The following RUFY4 variants were observed in gnomAD, a reference collection of about 807,000 sequenced individuals.
The protein encoded by RUFY4 is RUN and FYVE domain containing 4.
In RUFY4, 73 loss-of-function variants were observed where a neutral mutation model predicts 69.0. The ratio of observed to expected loss-of-function variants is 1.06; its 90% CI spans 0.88 to 1.29. The LOEUF is 1.29. RUFY4 is among the 50% of genes most tolerant of loss of function. The pLI is 0.00. For synonymous variants in RUFY4, 287 were observed against 271.8 expected (o/e 1.06, Z -0.55); for missense variants, 770 against 705.6 (o/e 1.09, Z -1.03).
At chr2:218,086,592 G>T (rs1261781415) in intron 9 of RUFY4, among the ~76,000 whole-genome samples, 1 of 152,178 alleles carries the variant, frequency 6.6e-6, no homozygotes, top group African/African-American at 2.4e-5. Flanking sequence ...AAGTGGGGGA[G>T]GTGGTGGAGT....
chr2:218,040,551 T>C (rs1004107684), intron 2 of RUFY4, among the ~76,000 whole-genome samples: 1 of 152,160 alleles, frequency 6.6e-6, no homozygotes, highest in African/African-American at 2.4e-5. Context: ...CTGGTTGCCC[T>C]CCTCCTGCCT....
intron 6 of RUFY4, among the ~76,000 whole-genome samples, chr2:218,074,341 C>T (rs961903790): frequency 6.6e-6 from 1 of 152,146 alleles, no homozygotes; most frequent in African/African-American, 2.4e-5. Context: ...AGTTACTTGT[C>T]CTGCCCCATA....
chr2:218,078,056 C>G (rs1559435748), intron 8 of RUFY4, among the ~76,000 whole-genome samples: 1 of 152,198 alleles, frequency 6.6e-6, no homozygotes, highest in Non-Finnish European at 1.5e-5. Flanking sequence ...TGCACCCACT[C>G]TGAGCCAGGC....
intron 9 of RUFY4, among the ~76,000 whole-genome samples, chr2:218,087,851 T>A (rs987611838): frequency 6.6e-6 from 1 of 151,814 alleles, no homozygotes; most frequent in Non-Finnish European, 1.5e-5. Flanking sequence ...AAAATTACAA[T>A]GGTAGCCAAT....
chr2:218,083,487 C>T (rs771465609), intron 9 of RUFY4, among the ~76,000 whole-genome samples: 1 of 152,152 alleles, frequency 6.6e-6, no homozygotes, highest in Non-Finnish European at 1.5e-5. Context: ...CAGTGGTTCA[C>T]ACCTGTAATC....
chr2:218,088,226 G>T (rs1689938449), intron 9 of RUFY4, among the ~76,000 whole-genome samples: 1 of 152,086 alleles, frequency 6.6e-6, no homozygotes, highest in Non-Finnish European at 1.5e-5. Context: ...GGGAATGGTG[G>T]TTCATGCCTG....
chr2:218,064,849 C>T (rs1689286579), upstream of RUFY4, among the ~76,000 whole-genome samples: 1 of 152,108 alleles, frequency 6.6e-6, no homozygotes, highest in South Asian at 2.1e-4. Flanking sequence ...AGTTCCTCCC[C>T]ACCCAGCACC....
upstream of RUFY4, chr2:218,070,380 G>C: frequency 1.7e-6 from 1 of 602,760 alleles, no homozygotes; most frequent in Admixed American, 2.6e-5. Flanking sequence ...CCCAGGGACT[G>C]CTCAATCGGT....
chr2:218,084,387 A>G (rs948222515), intron 9 of RUFY4, among the ~76,000 whole-genome samples: 1 of 152,052 alleles, frequency 6.6e-6, no homozygotes, highest in Non-Finnish European at 1.5e-5. Flanking sequence ...GTATGCCACC[A>G]TGCCAGGCTA....
rs186314785 is a variant in RUFY4 at position 218,061,219 on chromosome 2, A to T, written c.-1071+2538A>T. 61 of 381,378 alleles carry T rather than the reference A, an allele frequency of 1.6e-4. No individual in the cohort carries two copies. The East Asian group carries it at 3.5e-3, about 22-fold the overall frequency. The allele number at this position is 381,378 out of a possible 1,614,324, so 23.6% of individuals were successfully genotyped here. On this transcript the variant is annotated intron_variant and NMD_transcript_variant, in intron 3 of 13. Coordinates refer to the RUFY4 transcript ENST00000457754. ...AATAAGATGACCAGCATCGGCAGGGAGTTTCACATCACGTTCAGTAGAAAC... is the reference window on the plus strand; with the variant it reads ...AATAAGATGACCAGCATCGGCAGGGTGTTTCACATCACGTTCAGTAGAAAC...
chr2:218,059,923 C>T lies in RUFY4; in HGVS notation c.-1071+1242C>T, dbSNP rs538175117. The T allele has an allele frequency of 2.3e-5, 4 of 171,028 alleles. No individual in the cohort carries two copies. In the East Asian group the frequency reaches 7.6e-4, roughly 33 times the overall value. The allele number at this position is 171,028 out of a possible 1,614,324, so 10.6% of individuals were successfully genotyped here. A position where few individuals can be genotyped will look rare whatever the true frequency, so the allele number is the denominator to read the frequency against. On this transcript the variant is annotated intron_variant and NMD_transcript_variant, in intron 3 of 13. Transcript: ENST00000457754. Reference sequence around the variant, plus strand: ...ATACTGTCTTCCGCAGTGGCCACAACATTTTACATTCCCGCTCACGATGCC... The same window carrying T: ...ATACTGTCTTCCGCAGTGGCCACAATATTTTACATTCCCGCTCACGATGCC...
intron 2 of RUFY4, among the ~76,000 whole-genome samples, chr2:218,056,986 G>A (rs1447288724): frequency 6.6e-6 from 1 of 152,112 alleles, no homozygotes; most frequent in Non-Finnish European, 1.5e-5. Flanking sequence ...GGCTGAGGCA[G>A]GCGAATCTCT....
intron 2 of RUFY4, among the ~76,000 whole-genome samples, chr2:218,057,747 G>A (rs1351651545): frequency 6.6e-6 from 1 of 152,172 alleles, no homozygotes; most frequent in Non-Finnish European, 1.5e-5. Flanking sequence ...CTGCAGATTT[G>A]CCTTTTCAGG....
chr2:218,074,084 G>A (rs1016108067), intron 6 of RUFY4, 199 bp downstream of exon 8: 15 of 622,938 alleles, frequency 2.4e-5, no homozygotes, highest in South Asian at 8.0e-5. Context: ...CTGGGGTGGC[G>A]GGGACACTGG....
At chr2:218,051,300 T>C (rs1449861860) in intron 2 of RUFY4, among the ~76,000 whole-genome samples, 3 of 152,122 alleles carry the variant, frequency 2.0e-5, no homozygotes, top group Admixed American at 2.0e-4. Flanking sequence ...ACATTAGAAA[T>C]TGTTCTGTAA....
chr2:218,053,298 T>C (rs1221333839), intron 2 of RUFY4, among the ~76,000 whole-genome samples: 7 of 152,116 alleles, frequency 4.6e-5, no homozygotes, highest in Non-Finnish European at 8.8e-5. Flanking sequence ...TTATTTAATA[T>C]GTTTAATTGT....
chr2:218,058,588 T>G (rs1331200233), intron 2 of RUFY4: 1 of 152,224 alleles, frequency 6.6e-6, no homozygotes, highest in Non-Finnish European at 1.5e-5. Flanking sequence ...TCCTTTCACA[T>G]TTCCAGGTCA....
At chr2:218,081,207 G>A (rs532441547) in intron 8 of RUFY4, among the ~76,000 whole-genome samples, 1 of 152,178 alleles carries the variant, frequency 6.6e-6, no homozygotes, top group Non-Finnish European at 1.5e-5. Flanking sequence ...CTCAGGTCCT[G>A]CCCACCTCCC....
At chr2:218,051,902 T>C (rs1688951515) in intron 2 of RUFY4, among the ~76,000 whole-genome samples, 2 of 152,222 alleles carry the variant, frequency 1.3e-5, no homozygotes, top group Non-Finnish European at 2.9e-5. Context: ...TTCTGTTGAA[T>C]TTTCAATCAT....
Sources: gnomAD v4.1 joint callset for allele counts (sites outside exome capture counted in the v4.1 genomes callset) on GRCh38, gnomAD v4.1.1 for gene constraint, MANE v1.5 for transcripts, NCBI Gene and HGNC (gene_info 2026-07-23, HGNC 2026-07-21) for gene names.